SGCD: variants seen among roughly 807,000 people sequenced by gnomAD.
SGCD encodes the protein sarcoglycan delta, also known as delta-sarcoglycan.
SGCD carries 18 observed loss-of-function variants against 36.6 expected under a neutral mutation model. That is an observed-to-expected ratio of 0.49 (90% CI 0.34 to 0.73). The LOEUF is 0.73. Ranked by LOEUF, SGCD falls within the 30% of genes least tolerant of loss-of-function variation. The pLI, the probability that SGCD is intolerant of heterozygous loss-of-function variation, is 0.01. For synonymous variants in SGCD, 133 were observed against 130.6 expected (o/e 1.02, Z -0.12); for missense variants, 387 against 346.7 (o/e 1.12, Z -0.92).
intron 1 of SGCD, among the ~76,000 whole-genome samples, chr5:155,898,479 G>T (rs1756317974): frequency 6.6e-6 from 1 of 152,312 alleles, no homozygotes; most frequent in East Asian, 1.9e-4. Flanking sequence ...GACACAATAT[G>T]AATAAATGTC....
intron 1 of SGCD, among the ~76,000 whole-genome samples, chr5:156,083,990 A>G (rs1016356177): frequency 2.6e-5 from 4 of 152,190 alleles, no homozygotes; most frequent in East Asian, 1.9e-4. Flanking sequence ...TCACATTGCT[A>G]TGATTACTTA....
intron 1 of SGCD, among the ~76,000 whole-genome samples, chr5:155,969,982 C>G (rs1037450756): frequency 6.6e-6 from 1 of 151,704 alleles, no homozygotes; most frequent in African/African-American, 2.4e-5. Flanking sequence ...AAAGTTTTAG[C>G]TTATTGTCTT....
intron 3 of SGCD, among the ~76,000 whole-genome samples, chr5:156,412,014 G>A (rs1166278667): frequency 1.3e-5 from 2 of 152,204 alleles, no homozygotes; most frequent in African/African-American, 4.8e-5. Context: ...GTTCCCTAAA[G>A]AGGAGAATTC....
the SGCD span, among the ~76,000 whole-genome samples, chr5:155,743,873 G>A: frequency 6.6e-6 from 1 of 152,186 alleles, no homozygotes; most frequent in East Asian, 1.9e-4. Context: ...CTAGCTGTGA[G>A]CCAGAAAGTA....
chr5:156,712,973 G>A (rs1755060260), intron 7 of SGCD, among the ~76,000 whole-genome samples: 1 of 152,134 alleles, frequency 6.6e-6, no homozygotes, highest in Non-Finnish European at 1.5e-5. Context: ...ATCATCTAGA[G>A]AGACAAATGC....
chr5:156,443,050 T>C (rs905677138), intron 3 of SGCD, among the ~76,000 whole-genome samples: 7 of 152,208 alleles, frequency 4.6e-5, no homozygotes, highest in African/African-American at 1.7e-4. Context: ...AGTGGGTCAA[T>C]CTCAGCTCAC....
At chr5:156,668,334 C>G (rs1317975457) in intron 7 of SGCD, among the ~76,000 whole-genome samples, 1 of 152,150 alleles carries the variant, frequency 6.6e-6, no homozygotes, top group East Asian at 1.9e-4. Flanking sequence ...CAACATTCTT[C>G]CTTCCCCTTT....
chr5:156,349,749 C>T (rs369346306), intron 3 of SGCD, among the ~76,000 whole-genome samples: 3 of 151,944 alleles, frequency 2.0e-5, no homozygotes, highest in Admixed American at 6.6e-5. Context: ...TGGGTAACTA[C>T]CCAAAAGAAA....
chr5:155,883,600 C>A (rs2113299975), intron 1 of SGCD, among the ~76,000 whole-genome samples: 1 of 151,678 alleles, frequency 6.6e-6, no homozygotes, highest in East Asian at 1.9e-4. Context: ...ATATGGGCCC[C>A]AATATAATTA....
intron 4 of SGCD, among the ~76,000 whole-genome samples, chr5:156,582,644 A>G (rs1248387150): frequency 6.6e-6 from 1 of 152,188 alleles, no homozygotes; most frequent in Non-Finnish European, 1.5e-5. Flanking sequence ...TTTTTCTCCT[A>G]TGCAGTTTGC....
At chr5:156,504,400 A>ATATATATATATATC (rs1212840213) in intron 3 of SGCD, among the ~76,000 whole-genome samples, 2 of 82,488 alleles carry the variant, frequency 2.4e-5, no homozygotes, top group Non-Finnish European at 5.8e-5. Context: ...GTGTATATAT[A>ATATATATATATATC]TATATATATA....
chr5:156,015,468 C>A (rs1758951248), intron 1 of SGCD, among the ~76,000 whole-genome samples: 2 of 151,932 alleles, frequency 1.3e-5, no homozygotes, highest in African/African-American at 2.4e-5. Context: ...ATTTATACTT[C>A]AAGAAGCCCT....
At chr5:155,813,186 G>A in the SGCD span, among the ~76,000 whole-genome samples, 1 of 152,082 alleles carries the variant, frequency 6.6e-6, no homozygotes, top group South Asian at 2.1e-4. Flanking sequence ...TATTGGATAG[G>A]TGAGAGGTAT....
At chr5:156,058,920 G>A (rs1479744469) in intron 1 of SGCD, among the ~76,000 whole-genome samples, 2 of 145,236 alleles carry the variant, frequency 1.4e-5, no homozygotes, top group East Asian at 3.9e-4. Context: ...TTCTGTACTG[G>A]TCTATCTATT....
chr5:155,883,530 T>C (rs766652343), intron 1 of SGCD, among the ~76,000 whole-genome samples: 10 of 152,058 alleles, frequency 6.6e-5, no homozygotes, highest in Non-Finnish European at 1.2e-4. Context: ...AAGAGAGAGA[T>C]GGAAGAATGG....
intron 1 of SGCD, among the ~76,000 whole-genome samples, chr5:155,905,260 A>G (rs1756478855): frequency 6.6e-6 from 1 of 152,204 alleles, no homozygotes; most frequent in African/African-American, 2.4e-5. Flanking sequence ...GATTAAAGAA[A>G]GCTGATGCAA....
chr5:156,211,997 A>G (rs1272315190), intron 3 of SGCD, among the ~76,000 whole-genome samples: 1 of 152,204 alleles, frequency 6.6e-6, no homozygotes, highest in Non-Finnish European at 1.5e-5. Context: ...CGCAAAGCAA[A>G]AACGACAAGA....
chr5:156,313,260 G>T (rs929689070), intron 3 of SGCD, among the ~76,000 whole-genome samples: 1 of 152,000 alleles, frequency 6.6e-6, no homozygotes, highest in South Asian at 2.1e-4. Flanking sequence ...CATCTTAAAA[G>T]CTGTGAAGAC....
intron 3 of SGCD, among the ~76,000 whole-genome samples, chr5:156,249,499 CT>C (rs1765522433): frequency 6.6e-6 from 1 of 152,088 alleles, no homozygotes; most frequent in Non-Finnish European, 1.5e-5. Context: ...TTCCTGGGAC[CT>C]TTGATTTTCT....
Sources: gnomAD v4.1 joint callset for allele counts (sites outside exome capture counted in the v4.1 genomes callset) on GRCh38, gnomAD v4.1.1 for gene constraint, MANE v1.5 for transcripts, NCBI Gene and HGNC (gene_info 2026-07-23, HGNC 2026-07-21) for gene names.